Variants in UNC5D observed in about 807,000 individuals in gnomAD.
The protein encoded by UNC5D is unc-5 netrin receptor D.
In UNC5D, 39 loss-of-function variants were observed where a neutral mutation model predicts 105.4. That is an observed-to-expected ratio of 0.37 (90% confidence interval 0.29 to 0.48). The LOEUF is 0.48. Among genes scored for constraint, UNC5D ranks in the 20% least tolerant of loss-of-function variants. UNC5D has a pLI of 0.98. For missense variants in UNC5D, 991 were observed against 1,202.4 expected (o/e 0.82, Z 2.60); for synonymous variants, 452 against 450.4 (o/e 1.00, Z -0.04).
At chr8:35,685,412 A>G (rs1167679327) in intron 6 of UNC5D, among the ~76,000 whole-genome samples, 1 of 152,210 alleles carries the variant, frequency 6.6e-6, no homozygotes. Context: ...TCTTCATGAA[A>G]TGCATATCCT....
chr8:35,644,793 C>G (rs1822948841), intron 4 of UNC5D, among the ~76,000 whole-genome samples: 1 of 151,950 alleles, frequency 6.6e-6, no homozygotes, highest in Non-Finnish European at 1.5e-5. Flanking sequence ...ACATTTTTGC[C>G]CAATTAGTAG....
At chr8:35,305,750 C>A (rs1392084776) in intron 1 of UNC5D, among the ~76,000 whole-genome samples, 2 of 144,282 alleles carry the variant, frequency 1.4e-5, no homozygotes, top group Non-Finnish European at 1.5e-5. Flanking sequence ...CTCTCTTTTT[C>A]TTTCTTTCTT....
intron 1 of UNC5D, among the ~76,000 whole-genome samples, chr8:35,394,956 T>G (rs913818658): frequency 6.6e-6 from 1 of 152,200 alleles, no homozygotes; most frequent in Non-Finnish European, 1.5e-5. Context: ...GCTTGACACC[T>G]AATACATTTG....
At position 35,790,399 on chromosome 8, in the gene UNC5D, G is replaced by A. The variant is rs1335043872; in HGVS notation, c.2698G>A (p.Val900Ile). ...CGCTACACAAAGTAGCCCATCTGCT[G>A]TCATTTTGAACCTGTGGGAAGCTCG... ...YFATQSSPSA[V>I]ILNLWEARHQ... is the part of the protein sequence containing the mutation. Residue 900 changes from valine to isoleucine, a missense_variant, in exon 17 of 17, where the codon GTC (valine) becomes ATC (isoleucine). Around this residue, in one of 3 missense-constraint regions of UNC5D, gnomAD observed 2 missense variants for 16.3 expected, o/e 0.12. Coordinates refer to ENST00000404895, the MANE Select transcript of UNC5D (RefSeq NM_080872.4). 6.2e-7 allele frequency: 1 copy of A among 1,613,888 alleles called. No homozygotes were observed. The highest frequency in any genetic ancestry group is 2.2e-5 in the East Asian group (1 of 44,860).
At chr8:35,282,819 A>G (rs1806289727) in intron 1 of UNC5D, among the ~76,000 whole-genome samples, 1 of 152,034 alleles carries the variant, frequency 6.6e-6, no homozygotes, top group East Asian at 1.9e-4. Flanking sequence ...AGCTACTTCA[A>G]ATAGTACTAA....
At chr8:35,728,262 C>T (rs1828996003) in intron 10 of UNC5D, among the ~76,000 whole-genome samples, 1 of 151,720 alleles carries the variant, frequency 6.6e-6, no homozygotes, top group South Asian at 2.1e-4. Flanking sequence ...TTGCATCCTC[C>T]TTTCTTAGTG....
intron 13 of UNC5D, among the ~76,000 whole-genome samples, chr8:35,756,569 A>G (rs1395898871): frequency 7.2e-6 from 1 of 139,260 alleles, no homozygotes; most frequent in African/African-American, 3.1e-5. Flanking sequence ...AAAAAAAAAG[A>G]AAAAAAGAAA....
chr8:35,308,478 C>T (rs1563300640), intron 1 of UNC5D, among the ~76,000 whole-genome samples: 1 of 152,076 alleles, frequency 6.6e-6, no homozygotes, highest in South Asian at 2.1e-4. Flanking sequence ...CCTGTCAACT[C>T]TAATTACTTA....
At chr8:35,494,665 C>G (rs951800284) in intron 1 of UNC5D, among the ~76,000 whole-genome samples, 3 of 152,172 alleles carry the variant, frequency 2.0e-5, no homozygotes, top group South Asian at 2.1e-4. Flanking sequence ...GAAAGCTGTG[C>G]CTTGCATAAG....
chr8:35,714,461 C>T (rs1828136858), intron 8 of UNC5D, among the ~76,000 whole-genome samples: 1 of 152,088 alleles, frequency 6.6e-6, no homozygotes. Flanking sequence ...AAATCGTTGG[C>T]ACTGTCTGTA....
intron 1 of UNC5D, among the ~76,000 whole-genome samples, chr8:35,445,600 T>C (rs1289609911): frequency 6.6e-6 from 1 of 152,046 alleles, no homozygotes. Flanking sequence ...AAAACAAGTG[T>C]TGAAGGTGAG....
At chr8:35,271,853 C>T (rs1373682261) in intron 1 of UNC5D, among the ~76,000 whole-genome samples, 1 of 151,750 alleles carries the variant, frequency 6.6e-6, no homozygotes, top group African/African-American at 2.4e-5. Flanking sequence ...CAAAGTTTTT[C>T]CCCTCATGGA....
intron 4 of UNC5D, among the ~76,000 whole-genome samples, chr8:35,641,971 C>T (rs1347008110): frequency 6.6e-6 from 1 of 152,094 alleles, no homozygotes; most frequent in East Asian, 1.9e-4. Flanking sequence ...CTCTCAAACA[C>T]TCCAAGACAT....
chr8:35,723,595 A>G (rs1828702934), intron 9 of UNC5D, among the ~76,000 whole-genome samples: 1 of 152,026 alleles, frequency 6.6e-6, no homozygotes, highest in Admixed American at 6.6e-5. Flanking sequence ...TTATAGAGAC[A>G]GGGTCTCACT....
At chr8:35,482,615 G>C (rs1042115484) in intron 1 of UNC5D, among the ~76,000 whole-genome samples, 9 of 151,834 alleles carry the variant, frequency 5.9e-5, no homozygotes, top group Admixed American at 3.3e-4. Context: ...TCATTAATTT[G>C]ACCAACATTT....
intron 1 of UNC5D, among the ~76,000 whole-genome samples, chr8:35,547,344 G>C (rs1467045253): frequency 6.7e-6 from 1 of 149,192 alleles, no homozygotes; most frequent in Non-Finnish European, 1.5e-5. Flanking sequence ...CAGGCTGGAG[G>C]CTGGAGTGCA....
intron 1 of UNC5D, among the ~76,000 whole-genome samples, chr8:35,369,700 G>A (rs1802319807): frequency 6.6e-6 from 1 of 152,074 alleles, no homozygotes; most frequent in Non-Finnish European, 1.5e-5. Flanking sequence ...GCATGATGGT[G>A]GCTGTGGAAT....
intron 1 of UNC5D, among the ~76,000 whole-genome samples, chr8:35,476,698 G>T (rs924114319): frequency 6.6e-6 from 1 of 152,098 alleles, no homozygotes. Context: ...TCCTAGATTA[G>T]TCTCCAGTGA....
chr8:35,612,600 G>T (rs1449992758), intron 4 of UNC5D, among the ~76,000 whole-genome samples: 2 of 151,942 alleles, frequency 1.3e-5, no homozygotes, highest in Admixed American at 1.3e-4. Context: ...ACATAATGGG[G>T]TTTTACATCT....
Sources: allele counts gnomAD v4.1 joint callset (sites outside exome capture counted in the v4.1 genomes callset), GRCh38; gene constraint gnomAD v4.1.1; regional missense constraint gnomAD v4.1.1; transcripts MANE v1.5; gene names NCBI Gene and HGNC (gene_info 2026-07-23, HGNC 2026-07-21).